The following KHDRBS2 variants were observed in gnomAD, a reference collection of about 807,000 sequenced individuals.
KHDRBS2 encodes KH domain-containing, RNA-binding, signal transduction-associated protein 2.
A neutral mutation model predicts 44.3 loss-of-function variants in KHDRBS2; 26 were observed. The ratio of observed to expected loss-of-function variants is 0.59; its 90% CI spans 0.43 to 0.81. KHDRBS2 has a LOEUF of 0.81. Ranked by LOEUF, KHDRBS2 falls within the 40% of genes least tolerant of loss-of-function variation. The pLI, the probability that KHDRBS2 is intolerant of heterozygous loss-of-function variation, is 0.00. For missense variants in KHDRBS2, 476 were observed against 433.1 expected, an observed-to-expected ratio of 1.10 and a Z score of -0.88; for synonymous variants, 194 against 151.1, an observed-to-expected ratio of 1.28 and a Z score of -2.08.
intron 4 of KHDRBS2, among the ~76,000 whole-genome samples, chr6:61,928,922 TATC>T (rs1291791926): frequency 6.6e-6 from 1 of 152,270 alleles, no homozygotes; most frequent in African/African-American, 2.4e-5. Context: ...TTTCCATTGT[TATC>T]ATTATTTTTT....
At chr6:61,893,595 T>A (rs1178108638) in intron 6 of KHDRBS2, among the ~76,000 whole-genome samples, 1 of 152,152 alleles carries the variant, frequency 6.6e-6, no homozygotes. Context: ...TCATGTCCTT[T>A]GTAGGGACAT....
chr6:61,696,811 T>C (rs1479721345), intron 8 of KHDRBS2, among the ~76,000 whole-genome samples: 1 of 152,134 alleles, frequency 6.6e-6, no homozygotes, highest in Admixed American at 6.5e-5. Flanking sequence ...ATAGTAACAA[T>C]TTCTGCCCTT....
the KHDRBS2 span, among the ~76,000 whole-genome samples, chr6:61,609,334 G>A: frequency 1.3e-5 from 2 of 152,050 alleles, no homozygotes; most frequent in Non-Finnish European, 2.9e-5. Flanking sequence ...CTCCAGCTTG[G>A]GCAACAAGAG....
chr6:61,677,992 T>C (rs571850406), downstream of KHDRBS2, among the ~76,000 whole-genome samples: 4 of 152,008 alleles, frequency 2.6e-5, no homozygotes, highest in Admixed American at 2.6e-4. Context: ...CAGCCGATCA[T>C]TAAAGTTAAC....
intron 4 of KHDRBS2, among the ~76,000 whole-genome samples, chr6:61,958,851 T>C (rs1347301598): frequency 1.3e-5 from 2 of 152,168 alleles, no homozygotes; most frequent in Admixed American, 6.6e-5. Flanking sequence ...TTCAGTTCTC[T>C]GGGCTCCTCA....
intron 4 of KHDRBS2, among the ~76,000 whole-genome samples, chr6:61,941,938 A>G (rs1812216512): frequency 6.6e-6 from 1 of 152,136 alleles, no homozygotes; most frequent in Non-Finnish European, 1.5e-5. Context: ...AAAACATTCC[A>G]GAAAAAGAAT....
chr6:61,554,490 G>A, the KHDRBS2 span, among the ~76,000 whole-genome samples: 2 of 151,908 alleles, frequency 1.3e-5, no homozygotes, highest in South Asian at 2.1e-4. Flanking sequence ...CAATTTTAAG[G>A]GATATTTAGC....
At chr6:61,940,203 A>T (rs929205694) in intron 4 of KHDRBS2, among the ~76,000 whole-genome samples, 3 of 151,944 alleles carry the variant, frequency 2.0e-5, no homozygotes, top group Non-Finnish European at 4.4e-5. Context: ...AATTGCAGTT[A>T]AAAGGTCTTT....
intron 6 of KHDRBS2, chr6:61,816,562 C>G: frequency 2.3e-6 from 1 of 431,742 alleles, no homozygotes; most frequent in South Asian, 1.6e-5. Context: ...TATTGGACTT[C>G]TAGCCTCCAG....
At chr6:62,071,647 C>T (rs938815950) in intron 2 of KHDRBS2, among the ~76,000 whole-genome samples, 8 of 151,904 alleles carry the variant, frequency 5.3e-5, no homozygotes, top group Admixed American at 1.3e-4. Flanking sequence ...GATCAGATAG[C>T]TGTAGATATG....
At position 61,954,858 on chromosome 6, in the gene KHDRBS2, A is replaced by ATATATGTATG. The variant is rs1562513998; in HGVS notation, c.483+23207_483+23208insCATACATATA. On this transcript the variant is annotated intron_variant, in intron 4 of 8. Transcript: ENST00000281156. ...TATGTATGTATACATATGCATGTGTATATACACATACATATGTGTATATAT... is the reference window on the plus strand; with the variant it reads ...TATGTATGTATACATATGCATGTGTATATATGTATGTATACACATACATATGTGTATATAT... Among the ~76,000 whole-genome samples the ATATATGTATG allele has an allele frequency of 1.9e-4, 21 of 111,066 alleles. 3 individuals carry two copies. Among genetic ancestry groups the ATATATGTATG allele is most frequent in the African/African-American group, 6.4e-4 (21 of 32,798 alleles). The allele number at this position is 111,066 out of a possible 152,430, so 72.9% of individuals were successfully genotyped here. A position where few individuals can be genotyped will look rare whatever the true frequency, so the allele number is the denominator to read the frequency against.
chr6:62,233,011 C>CTT (rs1295848302), intron 1 of KHDRBS2, among the ~76,000 whole-genome samples: 1 of 152,096 alleles, frequency 6.6e-6, no homozygotes, highest in Non-Finnish European at 1.5e-5. Context: ...GAACCACAGC[C>CTT]ATAAGTCCTT....
intron 4 of KHDRBS2, among the ~76,000 whole-genome samples, chr6:61,947,358 C>T (rs1013815896): frequency 3.3e-5 from 5 of 152,266 alleles, no homozygotes; most frequent in African/African-American, 1.2e-4. Flanking sequence ...TTACTCAACT[C>T]CAGGGCACAG....
chr6:62,231,052 T>A (rs1832818171), intron 1 of KHDRBS2, among the ~76,000 whole-genome samples: 1 of 152,338 alleles, frequency 6.6e-6, no homozygotes, highest in Admixed American at 6.5e-5. Context: ...AAACTTGCTT[T>A]AAGCTCATTT....
chr6:62,144,448 T>C (rs1394142768), intron 2 of KHDRBS2, among the ~76,000 whole-genome samples: 2 of 151,946 alleles, frequency 1.3e-5, no homozygotes, highest in Non-Finnish European at 2.9e-5. Context: ...CATGTTTTTT[T>C]TCCTCAACAA....
chr6:62,014,711 T>A (rs1780892558), intron 3 of KHDRBS2, among the ~76,000 whole-genome samples: 1 of 152,160 alleles, frequency 6.6e-6, no homozygotes, highest in Admixed American at 6.6e-5. Flanking sequence ...ACACTTAATT[T>A]AGATTCTAGA....
At chr6:61,595,532 C>T in the KHDRBS2 span, among the ~76,000 whole-genome samples, 1 of 152,038 alleles carries the variant, frequency 6.6e-6, no homozygotes, top group African/African-American at 2.4e-5. Context: ...AAAAGCATAT[C>T]TTGCTTCTCT....
intron 6 of KHDRBS2, among the ~76,000 whole-genome samples, chr6:61,770,335 G>A (rs1362837275): frequency 1.3e-5 from 2 of 152,176 alleles, no homozygotes; most frequent in African/African-American, 2.4e-5. Flanking sequence ...AGCTGGATGG[G>A]GAATGACTTT....
intron 6 of KHDRBS2, among the ~76,000 whole-genome samples, chr6:61,786,441 A>G (rs1016378497): frequency 6.6e-6 from 1 of 152,068 alleles, no homozygotes. Flanking sequence ...AGAAATTTGT[A>G]AAATACTTTT....
Sources: gnomAD v4.1 joint callset for allele counts (sites outside exome capture counted in the v4.1 genomes callset) on GRCh38, gnomAD v4.1.1 for gene constraint, MANE v1.5 for transcripts, NCBI Gene and HGNC (gene_info 2026-07-23, HGNC 2026-07-21) for gene names.